TNXB: variants seen among roughly 807,000 people sequenced by gnomAD.
TNXB encodes the protein tenascin-X.
TNXB carries 183 observed loss-of-function variants against 340.5 expected under a neutral mutation model. The ratio of observed to expected loss-of-function variants is 0.54; its 90% CI spans 0.48 to 0.61. The LOEUF is 0.61. Among genes scored for constraint, TNXB ranks in the 20% least tolerant of loss-of-function variants. The pLI is 0.00. For missense variants in TNXB, 4,613 were observed against 5,446.4 expected (o/e 0.85, Z 4.82); for synonymous variants, 2,121 against 2,314.5 (o/e 0.92, Z 2.40).
chr6:32,078,895 C>T (rs1189721507), intron 11 of TNXB, 138 bp downstream of exon 11: 2 of 919,250 alleles, frequency 2.2e-6, no homozygotes, highest in African/African-American at 3.4e-5. Flanking sequence ...ACGCCAGTCC[C>T]CAGTGACATG....
chr6:32,105,408 A>C (rs1353054489), intron 1 of TNXB, among the ~76,000 whole-genome samples: 1 of 152,204 alleles, frequency 6.6e-6, no homozygotes, highest in African/African-American at 2.4e-5. Flanking sequence ...AGTAATAATA[A>C]ATATACTGTG....
rs766081541 is a variant in TNXB at position 32,086,037 on chromosome 6, G to A, written c.2861C>T (p.Pro954Leu). 15 of 1,604,778 alleles carry A rather than the reference G, an allele frequency of 9.3e-6. No individual in the cohort carries two copies. In the Admixed American group the frequency reaches 2.3e-4, roughly 25 times the overall value. ...CTCCTGGGGGCGCTGCTGCAGGAGA[G>A]GAGCCTGGGCCCCTTGCGTCGTCGA... ...GPSTTQGAQA[P>L]LLQQRPQELG... Residue 954 changes from proline to leucine, a missense_variant, in exon 7 of 44, where the codon CCT becomes CTT. By Grantham distance (98) the Pro-to-Leu change is moderately conservative. Coordinates refer to ENST00000644971, the MANE Select transcript of TNXB (RefSeq NM_001365276.2).
At chr6:32,099,963 A>AC (rs1562882774) in intron 1 of TNXB, among the ~76,000 whole-genome samples, 1 of 151,472 alleles carries the variant, frequency 6.6e-6, no homozygotes, top group African/African-American at 2.4e-5. Flanking sequence ...AAAAAAAAAA[A>AC]AAAAAAACAG....
Position 32,096,183 on chromosome 6 carries a change from C to T in TNXB, c.1670G>A (p.Arg557His). Residue 557 changes from arginine to histidine, a missense_variant, in exon 3 of 44, where the codon CGC (arginine) becomes CAC (histidine). Physicochemically the swap from Arg to His is conservative, Grantham distance 29. This residue lies in a region of TNXB where 4,327 missense variants were observed against 4,859.4 expected (regional missense o/e 0.89). Coordinates refer to ENST00000644971, the MANE Select transcript of TNXB (RefSeq NM_001365276.2). Reference sequence around the variant, plus strand: ...GCCTCGGCAGCCCCCGGGGCAGCTGCGCGTGCTGCAGTCTTCCCCTGAGTA... The same window carrying T: ...GCCTCGGCAGCCCCCGGGGCAGCTGTGCGTGCTGCAGTCTTCCCCTGAGTA... ...AGYSGEDCST[R>H]SCPGGCRGRG... The T allele has an allele frequency of 1.3e-6, 2 of 1,569,444 alleles. No individual in the cohort carries two copies. Among genetic ancestry groups the T allele is most frequent in the Non-Finnish European group, 1.7e-6 (2 of 1,159,906 alleles).
At position 32,087,209 on chromosome 6, in the gene TNXB, C is replaced by G; in HGVS notation, c.2780-1091G>C. On this transcript the variant is annotated intron_variant, in intron 6 of 43. Coordinates refer to ENST00000644971, the MANE Select transcript of TNXB (RefSeq NM_001365276.2). This position sits in a 1 kb window ranked among gnomAD's most constrained non-coding sequence, Gnocchi z 9.0. Reference sequence around the variant, plus strand: ...ATGCAGGCTCCAACGGCAGGTGAGGCTGGACAAGGGATAGGTGTCCCGTGG... The same window carrying G: ...ATGCAGGCTCCAACGGCAGGTGAGGGTGGACAAGGGATAGGTGTCCCGTGG... The G allele has an allele frequency of 2.1e-6, 1 of 477,836 alleles. No homozygotes were observed. Among genetic ancestry groups the G allele is most frequent in the Non-Finnish European group, 4.2e-6 (1 of 240,192 alleles). The allele number at this position is 477,836 out of a possible 1,614,324, so 29.6% of individuals were successfully genotyped here.
At position 32,095,793 on chromosome 6, in the gene TNXB, G is replaced by T; in HGVS notation, c.2060C>A (p.Ala687Asp). 1.9e-6 allele frequency: 3 copies of T among 1,613,214 alleles called. No individual in the cohort carries two copies. The highest frequency in any genetic ancestry group is 2.5e-6 in the Non-Finnish European group (3 of 1,179,616). ...CCGGGGCCCGCAGCCTCCAGGGCAG[G>T]CGCTGGCTGGAGGCTCTTCCTGCCC... ...DCGQEEPPAS[A>D]CPGGCGPREL... Residue 687 changes from alanine to aspartate, a missense_variant, in exon 3 of 44, where the codon GCC becomes GAC. Physicochemically the swap from Ala to Asp is moderately radical, Grantham distance 126 (BLOSUM62 -2). Transcript: ENST00000644971.
At position 32,048,403 on chromosome 6, in the gene TNXB, A is replaced by G. The variant is rs1439008524; in HGVS notation, c.10005T>C (p.Asn3335=). The G allele has an allele frequency of 3.3e-6, 5 of 1,535,214 alleles. No homozygotes were observed. The African/African-American group carries it at 5.5e-5, about 17-fold the overall frequency. ...CAGGGACTGGGCCGTGGCGTTTCCC[A>G]TTCTGGAGTCCAAAGAGCAGGAACT... The part of the protein sequence containing the change: ...KYKFLLFGLQ[N]GKRHGPVPVE... The change falls in exon 29 of 44, where the codon AAT becomes AAC. Residue 3335 remains asparagine (N), a synonymous_variant. Coordinates refer to ENST00000644971, the MANE Select transcript of TNXB (RefSeq NM_001365276.2).
chr6:32,062,450 G>A lies in TNXB; in HGVS notation c.6875C>T (p.Ser2292Leu), dbSNP rs759942876. The A allele has an allele frequency of 8.1e-6, 13 of 1,610,168 alleles. No individual in the cohort carries two copies. The highest frequency in any genetic ancestry group is 6.6e-5 in the South Asian group (6 of 90,932). The change falls in exon 20 of 44, where the codon TCG becomes TTG. Residue 2292 changes from serine to leucine, a missense_variant. Ser to Leu is a moderately radical substitution (Grantham distance 145, BLOSUM62 -2). Transcript: ENST00000644971. The surrounding 1 kb of genome is among the most constrained non-coding windows in gnomAD (Gnocchi z 4.3). ...GGGTTCAGGGGTGGGAGGTTCTGTC[G>A]AGGCTGGGGCCATTTCTTCATCCTT... is the stretch of plus-strand genomic sequence containing the variant. ...PGKDEEMAPA[S>L]TEPPTPEPPI...
chr6:32,054,922 T>A (rs2151899228), intron 24 of TNXB, among the ~76,000 whole-genome samples: 1 of 152,284 alleles, frequency 6.6e-6, no homozygotes, highest in South Asian at 2.1e-4. Context: ...AGGCCATTTG[T>A]CAGTAGGATG....
intron 24 of TNXB, among the ~76,000 whole-genome samples, chr6:32,054,355 G>A (rs1777502690): frequency 6.6e-6 from 1 of 152,108 alleles, no homozygotes. Flanking sequence ...CACAGACCTG[G>A]GCAACCACAT....
At position 32,089,130 on chromosome 6, in the gene TNXB, C is replaced by T; in HGVS notation, c.2516-82G>A. The T allele has an allele frequency of 6.4e-7, 1 of 1,573,220 alleles. No individual in the cohort carries two copies. Among genetic ancestry groups the T allele is most frequent in the Non-Finnish European group, 8.6e-7 (1 of 1,158,026 alleles). On this transcript the variant is annotated intron_variant, in intron 5 of 43. Coordinates refer to ENST00000644971, the MANE Select transcript of TNXB (RefSeq NM_001365276.2). The surrounding 1 kb of genome is among the most constrained non-coding windows in gnomAD (Gnocchi z 6.2). Reference sequence around the variant, plus strand: ...TTCCTTCCAAGAGCCTAGCCCCCATCCAGCCCCTTCCTTCTGCCCTCCCGG... The same window carrying T: ...TTCCTTCCAAGAGCCTAGCCCCCATTCAGCCCCTTCCTTCTGCCCTCCCGG...
Position 32,086,061 on chromosome 6 carries a change from G to A in TNXB, c.2837C>T (p.Ser946Leu), listed in dbSNP as rs1191806705. 5.7e-6 allele frequency: 9 copies of A among 1,587,224 alleles called. No individual in the cohort carries two copies. Among genetic ancestry groups the A allele is most frequent in the South Asian group, 4.6e-5 (4 of 87,640 alleles). ...AGGAGCCTGGGCCCCTTGCGTCGTC[G>A]AGGGGCCTGAGGGAGGAGGCTCATC... ...TTDEPPPSGP[S>L]TTQGAQAPLL... The change falls in exon 7 of 44, where the codon TCG (serine) becomes TTG (leucine). Residue 946 changes from serine (S) to leucine (L), a missense_variant. Coordinates refer to ENST00000644971, the MANE Select transcript of TNXB (RefSeq NM_001365276.2).
At position 32,081,584 on chromosome 6, in the gene TNXB, A is replaced by G. The variant is rs879263799; in HGVS notation, c.3826T>C (p.Ser1276Pro). Residue 1276 changes from serine to proline, a missense_variant, in exon 10 of 44, where the codon TCC (serine) becomes CCC (proline). Around this residue, in one of 7 missense-constraint regions of TNXB, gnomAD observed 4,327 missense variants for 4,859.4 expected, o/e 0.89. Transcript: ENST00000644971. This position sits in a 1 kb window ranked among gnomAD's most constrained non-coding sequence, Gnocchi z 5.1. Reference protein sequence around the residue: ...ELTVTGVTPDSLRLSWTVAQG... With the variant: ...ELTVTGVTPDPLRLSWTVAQG... ...GCCACTGTCCATGAGAGACGCAAGGAGTCTGGGGTCACGCCGGTCACTGTC... is the reference window on the plus strand; with the variant it reads ...GCCACTGTCCATGAGAGACGCAAGGGGTCTGGGGTCACGCCGGTCACTGTC... The G allele has an allele frequency of 1.3e-5, 21 of 1,603,196 alleles. No individual in the cohort carries two copies. Among genetic ancestry groups the G allele is most frequent in the Non-Finnish European group, 1.8e-5 (21 of 1,175,534 alleles).
chr6:32,046,642 C>G lies in TNXB; in HGVS notation c.10325-186G>C, dbSNP rs553978663. On this transcript the variant is annotated intron_variant, in intron 30 of 43. Coordinates refer to ENST00000644971, the MANE Select transcript of TNXB (RefSeq NM_001365276.2). The surrounding 1 kb of genome is among the most constrained non-coding windows in gnomAD (Gnocchi z 6.9). ...AGGAATGAGGGAGAACAGCCCCCTC[C>G]TCCTCTGGAGGCTGCTGCCCAAACT... 1.2e-5 allele frequency: 6 copies of G among 517,658 alleles called. No homozygotes were observed. In the South Asian group the frequency reaches 2.7e-4, roughly 23 times the overall value. 32.1% of individuals were successfully genotyped at this position (517,658 alleles called of 1,614,324 possible).
intron 1 of TNXB, among the ~76,000 whole-genome samples, chr6:32,104,096 T>C (rs1210164677): frequency 6.6e-6 from 1 of 152,190 alleles, no homozygotes; most frequent in Non-Finnish European, 1.5e-5. Flanking sequence ...TATGAGGCTC[T>C]GCAACACTTG....
chr6:32,097,662 G>T lies in TNXB; in HGVS notation c.403+134C>A. ...GTAGCCCAGCTCTGCTCTCCAAGTTGTGTTCTGGGCTGCATCCACACCCCT... is the reference window on the plus strand; with the variant it reads ...GTAGCCCAGCTCTGCTCTCCAAGTTTTGTTCTGGGCTGCATCCACACCCCT... On this transcript the variant is annotated intron_variant, in intron 2 of 43. Coordinates refer to ENST00000644971, the MANE Select transcript of TNXB (RefSeq NM_001365276.2). This position sits in a 1 kb window ranked among gnomAD's most constrained non-coding sequence, Gnocchi z 5.9. 1 of 1,180,772 alleles carries T rather than the reference G, an allele frequency of 8.5e-7. No homozygotes were observed. The highest frequency in any genetic ancestry group is 1.2e-6 in the Non-Finnish European group (1 of 866,734). 73.1% of individuals were successfully genotyped at this position (1,180,772 alleles called of 1,614,324 possible).
At chr6:32,098,817 G>T (rs2127295611) in intron 1 of TNXB, among the ~76,000 whole-genome samples, 1 of 152,272 alleles carries the variant, frequency 6.6e-6, no homozygotes, top group Middle Eastern at 3.4e-3. Context: ...AGCACTACAA[G>T]CTCTCACTAC....
chr6:32,099,522 G>A (rs1273971584), intron 1 of TNXB, among the ~76,000 whole-genome samples: 3 of 151,980 alleles, frequency 2.0e-5, no homozygotes, highest in African/African-American at 2.4e-5. Context: ...ATGAGTCACC[G>A]CACGACCTCT....
rs760604031 is a variant in TNXB, at chr6:32,050,040, C to T, written c.9397G>A (p.Gly3133Ser). 14 of 1,613,688 alleles carry T rather than the reference C, an allele frequency of 8.7e-6. No individual in the cohort carries two copies. Among genetic ancestry groups the T allele is most frequent in the South Asian group, 4.4e-5 (4 of 91,092 alleles). Residue 3133 changes from glycine to serine, a missense_variant, in exon 27 of 44, where the codon GGT becomes AGT. Physicochemically the swap from Gly to Ser is moderately conservative, Grantham distance 56 (BLOSUM62 0). Around this residue, in one of 7 missense-constraint regions of TNXB, gnomAD observed 4,327 missense variants for 4,859.4 expected, o/e 0.89. Transcript: ENST00000644971. ...GACACAGGGCCTACGCGCTGGCCAC[C>T]GTGGAAGCCGTACAGGTTCATCTTG... ...KYKMNLYGFHGGQRVGPVSAI... is the reference protein window; with the variant it reads ...KYKMNLYGFHSGQRVGPVSAI...
Sources: gnomAD v4.1 joint callset for allele counts (sites outside exome capture counted in the v4.1 genomes callset) on GRCh38, gnomAD v4.1.1 for gene constraint, gnomAD v4.1.1 regional missense constraint, Gnocchi (gnomAD v3.1) non-coding constraint, MANE v1.5 for transcripts, NCBI Gene and HGNC (gene_info 2026-07-23, HGNC 2026-07-21) for gene names.